The following DIAPH3 variants were observed in gnomAD, a reference collection of about 807,000 sequenced individuals.
The protein encoded by DIAPH3 is diaphanous related formin 3.
A neutral mutation model predicts 144.3 loss-of-function variants in DIAPH3; 117 were observed. The observed-to-expected ratio is 0.81, with a 90% CI of 0.70 to 0.95. The LOEUF (loss-of-function observed/expected upper bound fraction) is 0.95. Ranked by LOEUF, DIAPH3 falls within the 40% of genes least tolerant of loss-of-function variation. DIAPH3 has a pLI of 0.00. For synonymous variants in DIAPH3, 519 were observed against 488.9 expected, an observed-to-expected ratio of 1.06 and a Z score of -0.81; for missense variants, 1,421 against 1,412.7, an observed-to-expected ratio of 1.01 and a Z score of -0.09.
rs964273558 is a variant in DIAPH3, at chr13:59,839,584, T to G, written c.2738-136A>C. On this transcript the variant is annotated intron_variant, in intron 22 of 27. Coordinates refer to ENST00000400324, the MANE Select transcript of DIAPH3 (RefSeq NM_001042517.2). ...ATTCATTATAAAATAAAAATAAATT[T>G]CACTTTTAACCTTTCAATTTAAAAT... 21 of 863,028 alleles carry G rather than the reference T, an allele frequency of 2.4e-5. 1 individual carries two copies. The South Asian group carries it at 4.4e-4, about 18-fold the overall frequency. 53.5% of individuals were successfully genotyped at this position (863,028 alleles called of 1,614,324 possible). A position where few individuals can be genotyped will look rare whatever the true frequency, so the allele number is the denominator to read the frequency against.
chr13:60,067,581 T>G (rs1248258655), intron 4 of DIAPH3, among the ~76,000 whole-genome samples: 1 of 152,198 alleles, frequency 6.6e-6, no homozygotes, highest in East Asian at 1.9e-4. Context: ...TCTGCCATCT[T>G]CAAACTATGC....
At chr13:60,023,042 T>C (rs1271409514) in intron 5 of DIAPH3, among the ~76,000 whole-genome samples, 6 of 152,210 alleles carry the variant, frequency 3.9e-5, no homozygotes, top group Non-Finnish European at 8.8e-5. Flanking sequence ...TGCTATCAGG[T>C]AATTCAAGCC....
intron 17 of DIAPH3, among the ~76,000 whole-genome samples, chr13:59,939,579 T>C (rs2048422645): frequency 6.6e-6 from 1 of 152,182 alleles, no homozygotes; most frequent in Non-Finnish European, 1.5e-5. Flanking sequence ...GGATAATGTA[T>C]AGAATTAGAT....
chr13:59,871,345 T>A (rs1186672808), intron 21 of DIAPH3, among the ~76,000 whole-genome samples: 1 of 152,158 alleles, frequency 6.6e-6, no homozygotes, highest in African/African-American at 2.4e-5. Flanking sequence ...AGAGGAGTAG[T>A]GAGAGAAGAC....
intron 27 of DIAPH3, among the ~76,000 whole-genome samples, chr13:59,730,061 T>G (rs1427636544): frequency 6.6e-6 from 1 of 152,124 alleles, no homozygotes; most frequent in Non-Finnish European, 1.5e-5. Flanking sequence ...TATTACAGTA[T>G]TTGGTTTTAT....
At chr13:59,721,277 G>A (rs772113483) in intron 27 of DIAPH3, among the ~76,000 whole-genome samples, 9 of 152,074 alleles carry the variant, frequency 5.9e-5, no homozygotes, top group Non-Finnish European at 8.8e-5. Context: ...GCTTTTTACC[G>A]AGCAAATGCA....
intron 4 of DIAPH3, among the ~76,000 whole-genome samples, chr13:60,068,955 G>A (rs928643356): frequency 1.3e-4 from 19 of 151,960 alleles, no homozygotes; most frequent in African/African-American, 4.6e-4. Flanking sequence ...GAACATGTGC[G>A]TGCATGTGTC....
At position 59,923,762 on chromosome 13, in the gene DIAPH3, C is replaced by G. The variant is rs1172001540; in HGVS notation, c.2170+1013G>C. Among the ~76,000 whole-genome samples, 3 of 152,234 alleles carry G rather than the reference C, an allele frequency of 2.0e-5. No individual in the cohort carries two copies. In the East Asian group the frequency reaches 5.8e-4, roughly 30 times the overall value. Reference sequence around the variant, plus strand: ...GAGAATTGAATACTAGACAATACACCAATGCCGCCATACTATCCATGGGGA... The same window carrying G: ...GAGAATTGAATACTAGACAATACACGAATGCCGCCATACTATCCATGGGGA... On this transcript the variant is annotated intron_variant, in intron 18 of 27. Coordinates refer to ENST00000400324, the MANE Select transcript of DIAPH3 (RefSeq NM_001042517.2).
At chr13:59,757,525 C>T (rs564749423) in intron 27 of DIAPH3, among the ~76,000 whole-genome samples, 18 of 151,480 alleles carry the variant, frequency 1.2e-4, no homozygotes, top group Middle Eastern at 3.4e-3. Context: ...CTCAGCCTCC[C>T]GAGTAGCTGG....
At chr13:60,011,580 T>A (rs908936483) in intron 7 of DIAPH3, among the ~76,000 whole-genome samples, 1 of 152,192 alleles carries the variant, frequency 6.6e-6, no homozygotes, top group Non-Finnish European at 1.5e-5. Flanking sequence ...ATAGTTGAAA[T>A]CCAGTGTGTA....
intron 14 of DIAPH3, among the ~76,000 whole-genome samples, chr13:59,976,276 G>A (rs1358532289): frequency 1.3e-5 from 2 of 151,804 alleles, no homozygotes; most frequent in African/African-American, 2.4e-5. Context: ...AAATTCCCTG[G>A]ACTGCTCTCA....
chr13:59,853,004 T>C (rs2043065305), intron 22 of DIAPH3, among the ~76,000 whole-genome samples: 1 of 152,192 alleles, frequency 6.6e-6, no homozygotes, highest in African/African-American at 2.4e-5. Context: ...CATTTGTACA[T>C]ATTAACCTAT....
chr13:60,024,304 G>A (rs967798106), intron 5 of DIAPH3, among the ~76,000 whole-genome samples: 2 of 151,940 alleles, frequency 1.3e-5, no homozygotes, highest in Admixed American at 1.3e-4. Flanking sequence ...TTTTCCTGGT[G>A]GTCCAGACTA....
chr13:59,974,903 T>A (rs1197139540), intron 14 of DIAPH3, among the ~76,000 whole-genome samples: 1 of 152,094 alleles, frequency 6.6e-6, no homozygotes, highest in Non-Finnish European at 1.5e-5. Flanking sequence ...TAATATTTTT[T>A]ATTACTAAAC....
At chr13:59,675,385 A>ATTT (rs1220590409) in intron 27 of DIAPH3, among the ~76,000 whole-genome samples, 1 of 138,140 alleles carries the variant, frequency 7.2e-6, no homozygotes, top group Non-Finnish European at 1.6e-5. Flanking sequence ...GCTATTTTTA[A>ATTT]TTTTTTTTTT....
At chr13:60,028,676 T>C (rs576198369) in intron 5 of DIAPH3, among the ~76,000 whole-genome samples, 1 of 152,282 alleles carries the variant, frequency 6.6e-6, no homozygotes, top group Admixed American at 6.5e-5. Context: ...CCACTCCACA[T>C]ATGTAAGCTC....
chr13:59,981,726 A>C (rs868831656), intron 13 of DIAPH3, among the ~76,000 whole-genome samples: 10 of 151,410 alleles, frequency 6.6e-5, no homozygotes, highest in Non-Finnish European at 7.4e-5. Context: ...TAAGTCAACA[A>C]AGTTACTGTA....
chr13:59,969,980 A>G lies in DIAPH3; in HGVS notation c.2038T>C (p.Cys680Arg). The part of the protein sequence containing the change: ...ENKYENVDLL[C>R]KLENTFCCQQ... Reference sequence around the variant, plus strand: ...CAACAAAATGTATTCTCAAGTTTACAAAGCAAATCCACGTTTTCATACTTA... The same window carrying G: ...CAACAAAATGTATTCTCAAGTTTACGAAGCAAATCCACGTTTTCATACTTA... Residue 680 changes from cysteine to arginine, a missense_variant, in exon 17 of 28, where the codon TGT becomes CGT. By Grantham distance (180) the Cys-to-Arg change is radical (BLOSUM62 -3). Coordinates refer to ENST00000400324, the MANE Select transcript of DIAPH3 (RefSeq NM_001042517.2). 6.2e-7 allele frequency: 1 copy of G among 1,609,642 alleles called. No homozygotes were observed. The highest frequency in any genetic ancestry group is 1.7e-4 in the Middle Eastern group (1 of 6,034).
chr13:60,117,553 A>G (rs2058732836), intron 2 of DIAPH3, among the ~76,000 whole-genome samples: 1 of 152,096 alleles, frequency 6.6e-6, no homozygotes, highest in Admixed American at 6.5e-5. Context: ...AGATTCTACA[A>G]AATCTGGGCA....
Sources: gnomAD v4.1 joint callset for allele counts (sites outside exome capture counted in the v4.1 genomes callset) on GRCh38, gnomAD v4.1.1 for gene constraint, MANE v1.5 for transcripts, NCBI Gene and HGNC (gene_info 2026-07-23, HGNC 2026-07-21) for gene names.